The following PKD1L3 variants were observed in gnomAD, a reference collection of about 807,000 sequenced individuals.
PKD1L3 encodes the protein polycystin 1 like 3, transient receptor potential channel interacting.
PKD1L3 carries 239 observed loss-of-function variants against 184.1 expected under a neutral mutation model. That is an observed-to-expected ratio of 1.30 (90% CI 1.17 to 1.45). The LOEUF (loss-of-function observed/expected upper bound fraction) is 1.45. Ranked by LOEUF, PKD1L3 falls within the 40% of genes most tolerant of loss-of-function variation. PKD1L3 has a pLI of 0.00. For missense variants in PKD1L3, 2,660 were observed against 2,067.2 expected, an observed-to-expected ratio of 1.29 and a Z score of -5.56; for synonymous variants, 996 against 778.8, an observed-to-expected ratio of 1.28 and a Z score of -4.64.
intron 2 of PKD1L3, among the ~76,000 whole-genome samples, chr16:71,997,989 T>C (rs1434960802): frequency 6.6e-6 from 1 of 152,142 alleles, no homozygotes; most frequent in Non-Finnish European, 1.5e-5. Context: ...AGTGTGCATG[T>C]GGAAAATGGT....
intron 24 of PKD1L3, among the ~76,000 whole-genome samples, chr16:71,940,119 A>AAT (rs60648009): frequency 0.54 from 81,039 of 151,336 alleles, 22,416 homozygotes; most frequent in East Asian, 0.92. Flanking sequence ...ACTGAAAGTC[A>AAT]ATATATATAT....
chr16:71,954,207 C>T lies in PKD1L3; in HGVS notation c.2707G>A (p.Val903Ile), dbSNP rs9921412. The change falls in exon 17 of 30, where the codon GTC becomes ATC. Residue 903 changes from valine to isoleucine, a missense_variant. By Grantham distance (29) the Val-to-Ile change is conservative. Transcript: ENST00000620267. ...GTCATGCAGCAAGACAGCCGTTGGA[C>T]CCTTGTAAACTGGTTCCAGGGATGC... is the stretch of plus-strand genomic sequence containing the variant. ...TRHPWNQFTRVQRLSCCMTLL... is the reference protein window; with the variant it reads ...TRHPWNQFTRIQRLSCCMTLL... The T allele has an allele frequency of 0.75, 1,161,245 of 1,550,758 alleles. 438,146 individuals carry two copies. The highest frequency in any genetic ancestry group is 0.97 in the East Asian group (39,601 of 40,862).
At chr16:71,939,010 G>A (rs1443208411) in intron 24 of PKD1L3, among the ~76,000 whole-genome samples, 2 of 152,220 alleles carry the variant, frequency 1.3e-5, no homozygotes, top group African/African-American at 4.8e-5. Flanking sequence ...CTTTGGGGGA[G>A]CCCAGACCTA....
intron 15 of PKD1L3, among the ~76,000 whole-genome samples, chr16:71,965,831 G>A (rs1168116828): frequency 6.6e-6 from 1 of 152,176 alleles, no homozygotes; most frequent in African/African-American, 2.4e-5. Context: ...TGGGATTACA[G>A]GCGTGAGCCA....
chr16:71,988,748 G>A (rs1046622518), intron 4 of PKD1L3, among the ~76,000 whole-genome samples: 1 of 152,176 alleles, frequency 6.6e-6, no homozygotes, highest in Non-Finnish European at 1.5e-5. Context: ...CACATTTATT[G>A]AGTCCAAGTT....
In PKD1L3 at chr16:71,967,265, G is replaced by C; in HGVS notation, c.2337C>G (p.Leu779=). The change falls in exon 15 of 30, where the codon CTC becomes CTG. Residue 779 remains leucine, a synonymous_variant. Coordinates refer to ENST00000620267, the MANE Select transcript of PKD1L3 (RefSeq NM_181536.2). The part of the protein sequence containing the change: ...GSEGRSEPHH[L]CDPQKTVFER... ...CAAAGACTGTCTTCTGGGGGTCACA[G>C]AGGTGATGGGGCTCACTCCGTCCCT... The C allele has an allele frequency of 6.4e-7, 1 of 1,551,702 alleles. No individual in the cohort carries two copies. Among genetic ancestry groups the C allele is most frequent in the Non-Finnish European group, 8.7e-7 (1 of 1,146,962 alleles).
At chr16:71,955,807 T>C (rs1238433250) in intron 16 of PKD1L3, among the ~76,000 whole-genome samples, 1 of 152,126 alleles carries the variant, frequency 6.6e-6, no homozygotes, top group African/African-American at 2.4e-5. Flanking sequence ...CTGATGGTTT[T>C]ATAAGGTGCT....
rs550671252 is a variant in PKD1L3 at position 71,930,059 on chromosome 16, G to A, written c.5051C>T (p.Ser1684Leu). 374 of 1,548,264 alleles carry A rather than the reference G, an allele frequency of 2.4e-4. 1 individual carries two copies. Among genetic ancestry groups the A allele is most frequent in the South Asian group, 1.8e-3 (147 of 83,710 alleles). Residue 1684 changes from serine to leucine, a missense_variant, in exon 29 of 30, where the codon TCG becomes TTG. Coordinates refer to ENST00000620267, the MANE Select transcript of PKD1L3 (RefSeq NM_181536.2). ...ILMAFGKERK[S>L]LKKEAALIDT... The stretch of plus-strand genomic sequence containing the variant: ...TATCTTTTAGTTACCTACCTTAAGC[G>A]ACTTTCTTTCTTTTCCAAAGGCCAT...
chr16:71,958,201 A>C (rs899324704), intron 16 of PKD1L3, among the ~76,000 whole-genome samples: 2 of 150,986 alleles, frequency 1.3e-5, no homozygotes, highest in East Asian at 2.0e-4. Flanking sequence ...TCCCGGCTAA[A>C]ACGGTGAAAC....
rs1029589962 is a variant in PKD1L3 at position 71,953,016 on chromosome 16, C to G, written c.2887G>C (p.Val963Leu). 6.5e-7 allele frequency: 1 copy of G among 1,548,974 alleles called. No homozygotes were observed. Among genetic ancestry groups the G allele is most frequent in the East Asian group, 2.5e-5 (1 of 40,658 alleles). Residue 963 changes from valine (V) to leucine (L), a missense_variant, in exon 18 of 30, where the codon GTC becomes CTC. Transcript: ENST00000620267. ...TAVILFPINL[V>L]IGRLFPLIEP... The stretch of plus-strand genomic sequence containing the variant: ...ATCAACGGGAAGAGCCGCCCTATGA[C>G]AAGATTGATTGGGAAGAGGATGACA...
At chr16:71,938,047 A>C (rs1286728291) in intron 24 of PKD1L3, among the ~76,000 whole-genome samples, 4 of 151,998 alleles carry the variant, frequency 2.6e-5, no homozygotes, top group Admixed American at 1.3e-4. Flanking sequence ...CCCCCTTCTG[A>C]GTTGGAGGGT....
At chr16:71,952,264 G>A (rs980361647) in intron 18 of PKD1L3, among the ~76,000 whole-genome samples, 1 of 141,862 alleles carries the variant, frequency 7.0e-6, no homozygotes, top group African/African-American at 2.6e-5. Flanking sequence ...CCAGGCTGGA[G>A]TGCAGGGGCG....
intron 16 of PKD1L3, among the ~76,000 whole-genome samples, chr16:71,956,251 T>A (rs1265850757): frequency 7.5e-6 from 1 of 133,162 alleles, no homozygotes; most frequent in Non-Finnish European, 1.5e-5. Context: ...TGGAGTGCAA[T>A]GGCCTGATCT....
rs1229497190 is a variant in PKD1L3, at chr16:71,947,593, T to A, written c.3619-2A>T. On this transcript the variant is annotated splice_acceptor_variant, in intron 21 of 29. Transcript: ENST00000620267. LOFTEE classifies it high-confidence loss of function. ...GTATAAGAATGTGAAGAAGACCACC[T>A]GGGCAGGAGAATCACAGAACATCGT... The A allele has an allele frequency of 5.3e-6, 8 of 1,523,000 alleles. No homozygotes were observed. The highest frequency in any genetic ancestry group is 1.7e-4 in the Middle Eastern group (1 of 5,970). The allele number at this position is 1,523,000 out of a possible 1,614,324, so 94.3% of individuals were successfully genotyped here.
chr16:71,942,508 G>T (rs950429174), intron 24 of PKD1L3, 52 bp downstream of exon 24: 2 of 1,441,732 alleles, frequency 1.4e-6, no homozygotes, highest in African/African-American at 1.4e-5. Flanking sequence ...TGCACTTATT[G>T]AACAGCCTTC....
At chr16:71,992,432 C>G (rs552585309) in intron 3 of PKD1L3, among the ~76,000 whole-genome samples, 1 of 152,226 alleles carries the variant, frequency 6.6e-6, no homozygotes, top group Non-Finnish European at 1.5e-5. Flanking sequence ...ATTGCTCTCA[C>G]TAAACTCACA....
chr16:71,990,330 C>T lies in PKD1L3; in HGVS notation c.536-1G>A. The T allele has an allele frequency of 1.9e-6, 3 of 1,545,972 alleles. No homozygotes were observed. The highest frequency in any genetic ancestry group is 2.6e-6 in the Non-Finnish European group (3 of 1,142,942). The stretch of plus-strand genomic sequence containing the variant: ...CATGTGGTTGGAAGATGACCAGGTC[C>T]TATAGAAAAAAGAAAGCAGACTAAG... On this transcript the variant is annotated splice_acceptor_variant, in intron 3 of 29. Transcript: ENST00000620267. LOFTEE classifies it high-confidence loss of function.
At chr16:71,980,398 A>T (rs1334549281) in intron 7 of PKD1L3, among the ~76,000 whole-genome samples, 1 of 152,154 alleles carries the variant, frequency 6.6e-6, no homozygotes, top group Non-Finnish European at 1.5e-5. Flanking sequence ...CTCACGATAG[A>T]GTTTTTAAAT....
intron 16 of PKD1L3, among the ~76,000 whole-genome samples, 195 bp from the exon 17 acceptor site, chr16:71,954,496 G>C (rs1004507397): frequency 2.0e-5 from 3 of 152,074 alleles, no homozygotes; most frequent in Non-Finnish European, 4.4e-5. Context: ...ATGTGTCCAT[G>C]TAAGATTCTT....
Sources: allele counts gnomAD v4.1 joint callset (sites outside exome capture counted in the v4.1 genomes callset), GRCh38; gene constraint gnomAD v4.1.1; transcripts MANE v1.5; gene names NCBI Gene and HGNC (gene_info 2026-07-23, HGNC 2026-07-21).